COMMD1: variants seen among roughly 807,000 people sequenced by gnomAD.
COMMD1 encodes copper metabolism domain containing 1.
A neutral mutation model predicts 17.2 loss-of-function variants in COMMD1; 10 were observed. The observed-to-expected ratio is 0.58, with a 90% confidence interval of 0.36 to 0.99. The LOEUF (loss-of-function observed/expected upper bound fraction) is 0.99. Ranked by LOEUF, COMMD1 falls within the 50% of genes least tolerant of loss-of-function variation. The pLI is 0.01. For synonymous variants in COMMD1, 97 were observed against 91.6 expected (o/e 1.06, Z -0.34); for missense variants, 270 against 231.8 (o/e 1.17, Z -1.07).
chr2:61,888,636 G>A (rs547525529), upstream of COMMD1: 2 of 1,130,762 alleles, frequency 1.8e-6, no homozygotes, highest in Non-Finnish European at 2.4e-6. Flanking sequence ...CCGGCGTCGG[G>A]AGGAGGCGGA....
intron 1 of COMMD1, among the ~76,000 whole-genome samples, chr2:61,996,561 C>T (rs1331757145): frequency 6.6e-6 from 1 of 152,108 alleles, no homozygotes; most frequent in Non-Finnish European, 1.5e-5. Flanking sequence ...GAACCTCTTT[C>T]CAAATTGGAG....
intron 2 of COMMD1, among the ~76,000 whole-genome samples, chr2:62,130,902 A>G (rs1288249818): frequency 2.0e-5 from 3 of 152,336 alleles, no homozygotes; most frequent in African/African-American, 2.4e-5. Flanking sequence ...CTAATAATCA[A>G]TTATGCTCTC....
At chr2:62,098,023 G>A (rs982854246) in intron 2 of COMMD1, among the ~76,000 whole-genome samples, 2 of 151,722 alleles carry the variant, frequency 1.3e-5, no homozygotes, top group Admixed American at 6.6e-5. Context: ...CTTTCTTTTT[G>A]CAATAGTGGC....
At chr2:62,112,413 C>T (rs865826764) in intron 2 of COMMD1, among the ~76,000 whole-genome samples, 1 of 152,142 alleles carries the variant, frequency 6.6e-6, no homozygotes, top group Non-Finnish European at 1.5e-5. Flanking sequence ...TTTGTTTCTC[C>T]GGAACAATGT....
intron 2 of COMMD1, among the ~76,000 whole-genome samples, chr2:62,054,628 T>C (rs945741744): frequency 2.0e-5 from 3 of 152,156 alleles, no homozygotes; most frequent in Admixed American, 2.0e-4. Context: ...GCACATGTTC[T>C]CACTCATAAA....
intron 1 of COMMD1, among the ~76,000 whole-genome samples, chr2:61,957,002 C>T (rs887627848): frequency 6.0e-5 from 9 of 151,142 alleles, no homozygotes; most frequent in Middle Eastern, 3.5e-3. Context: ...CCACCCGCCT[C>T]GGCCTCCCAA....
At chr2:62,095,655 A>T (rs1253915924) in intron 2 of COMMD1, among the ~76,000 whole-genome samples, 1 of 151,460 alleles carries the variant, frequency 6.6e-6, no homozygotes, top group East Asian at 1.9e-4. Flanking sequence ...GTATAAGTGC[A>T]ACTGACTCAG....
chr2:61,951,409 G>A (rs1426366364), intron 1 of COMMD1, among the ~76,000 whole-genome samples: 1 of 149,748 alleles, frequency 6.7e-6, no homozygotes, highest in Non-Finnish European at 1.5e-5. Context: ...GCAGTGAGCC[G>A]ACATCGTGCC....
chr2:62,135,913 TCAGCACACTGATCAG>T lies in COMMD1; in HGVS notation c.547_561del (p.Ser183_Ser187del). The T allele has an allele frequency of 6.3e-7, 1 of 1,597,936 alleles. No homozygotes were observed. Among genetic ancestry groups the T allele is most frequent in the Middle Eastern group, 1.7e-4 (1 of 6,036 alleles). ...ACGCTGTCAGAGGTAGAAGAAAGTA[TCAGCACACTGATCAG>T]CCAGCCTAACTGAAGATGATGTATG... On this transcript the variant is annotated inframe_deletion, in exon 3 of 3. Coordinates refer to ENST00000311832, the MANE Select transcript of COMMD1 (RefSeq NM_152516.4).
chr2:61,924,793 G>A (rs954741654), intron 1 of COMMD1, among the ~76,000 whole-genome samples: 13 of 152,308 alleles, frequency 8.5e-5, no homozygotes, highest in Admixed American at 5.9e-4. Context: ...AACGGAGGCC[G>A]AGAGCATTGA....
chr2:61,909,117 G>A (rs142079929), intron 1 of COMMD1, among the ~76,000 whole-genome samples: 2 of 151,874 alleles, frequency 1.3e-5, no homozygotes, highest in Non-Finnish European at 2.9e-5. Flanking sequence ...TAGTAGCGAT[G>A]GGGTTTCTCC....
intron 2 of COMMD1, among the ~76,000 whole-genome samples, chr2:62,053,956 A>G (rs932844305): frequency 4.6e-5 from 7 of 152,218 alleles, no homozygotes; most frequent in Non-Finnish European, 7.3e-5. Flanking sequence ...TATTCATCCA[A>G]TAGGGGTCTA....
chr2:62,015,521 T>A (rs753261476), intron 2 of COMMD1, among the ~76,000 whole-genome samples: 2 of 152,190 alleles, frequency 1.3e-5, no homozygotes, highest in Non-Finnish European at 2.9e-5. Flanking sequence ...TGTTTTTAAT[T>A]CTTTTGGGTA....
chr2:62,126,236 G>A (rs1284103952), intron 2 of COMMD1, among the ~76,000 whole-genome samples: 2 of 152,144 alleles, frequency 1.3e-5, no homozygotes, highest in Admixed American at 6.6e-5. Flanking sequence ...GAACATATAT[G>A]TGCATGTATC....
chr2:61,999,914 C>T (rs1668876654), intron 1 of COMMD1, among the ~76,000 whole-genome samples: 1 of 149,900 alleles, frequency 6.7e-6, no homozygotes, highest in Non-Finnish European at 1.5e-5. Flanking sequence ...TTACTGTCTG[C>T]CCCCTCCCCC....
intron 1 of COMMD1, among the ~76,000 whole-genome samples, chr2:61,925,022 G>A (rs928107447): frequency 3.3e-5 from 5 of 152,172 alleles, no homozygotes; most frequent in Non-Finnish European, 7.4e-5. Flanking sequence ...GACGGTCAAG[G>A]GTTCCGGGGG....
chr2:62,063,242 G>T (rs111828734), intron 2 of COMMD1, among the ~76,000 whole-genome samples: 7,559 of 152,034 alleles, frequency 0.05, 453 homozygotes, highest in African/African-American at 0.14. Context: ...TAAAATAAAA[G>T]AAAATATTAG....
intron 1 of COMMD1, among the ~76,000 whole-genome samples, chr2:61,947,637 C>T (rs1054483318): frequency 1.4e-4 from 22 of 151,920 alleles, no homozygotes; most frequent in Admixed American, 2.6e-4. Context: ...GAGCCAAGAT[C>T]GCGCCACTGC....
intron 1 of COMMD1, among the ~76,000 whole-genome samples, chr2:61,978,028 A>G (rs1671852813): frequency 6.6e-6 from 1 of 151,488 alleles, no homozygotes; most frequent in African/African-American, 2.4e-5. Flanking sequence ...GGCATGGTGG[A>G]TCATTCCATA....
Sources: allele counts gnomAD v4.1 joint callset (sites outside exome capture counted in the v4.1 genomes callset), GRCh38; gene constraint gnomAD v4.1.1; transcripts MANE v1.5; gene names NCBI Gene and HGNC (gene_info 2026-07-23, HGNC 2026-07-21).